Variants in NRXN1 observed in about 807,000 individuals in gnomAD.
NRXN1 encodes neurexin-1.
Under a neutral mutation model 150.9 loss-of-function variants are expected in NRXN1, and 39 were observed. The ratio of observed to expected loss-of-function variants is 0.26; its 90% CI spans 0.20 to 0.34. NRXN1 has a LOEUF of 0.34. Among genes scored for constraint, NRXN1 ranks in the 10% least tolerant of loss-of-function variants. NRXN1 has a pLI of 1.00. For missense variants in NRXN1, 1,815 were observed against 1,949.9 expected (o/e 0.93, Z 1.30); for synonymous variants, 924 against 757.0 (o/e 1.22, Z -3.62).
chr2:50,855,994 C>G (rs1387081891), intron 5 of NRXN1, among the ~76,000 whole-genome samples: 1 of 149,876 alleles, frequency 6.7e-6, no homozygotes, highest in African/African-American at 2.4e-5. Flanking sequence ...AAGACAACAT[C>G]ATATGCAATG....
At chr2:50,619,947 C>A in intron 8 of NRXN1, 75 bp downstream of exon 8, 1 of 1,354,990 alleles carries the variant, frequency 7.4e-7, no homozygotes, top group South Asian at 1.9e-5. Flanking sequence ...GGGTCTTCAG[C>A]AAAGGTGCTT....
chr2:50,492,067 A>G (rs368804515), intron 15 of NRXN1, among the ~76,000 whole-genome samples: 36 of 152,288 alleles, frequency 2.4e-4, no homozygotes, highest in African/African-American at 7.9e-4. Flanking sequence ...AATTTGCCAA[A>G]TACAGGAACA....
intron 8 of NRXN1, among the ~76,000 whole-genome samples, chr2:50,597,155 C>G (rs754309754): frequency 2.0e-5 from 3 of 152,086 alleles, no homozygotes; most frequent in Non-Finnish European, 4.4e-5. Flanking sequence ...GGACATGCTT[C>G]TTAATGAACA....
Position 49,920,018 on chromosome 2 carries a change from A to T in NRXN1, c.*1926T>A, listed in dbSNP as rs1182245641. 1 of 152,152 alleles carries T rather than the reference A, an allele frequency of 6.6e-6. No homozygotes were observed. The highest frequency in any genetic ancestry group is 2.4e-5 in the African/African-American group (1 of 41,462). The allele number at this position is 152,152 out of a possible 1,614,324, so 9.4% of individuals were successfully genotyped here. A position where few individuals can be genotyped will look rare whatever the true frequency, so the allele number is the denominator to read the frequency against. On this transcript the variant is annotated 3_prime_UTR_variant, in exon 23 of 23. Transcript: ENST00000401669. ...CGTTCTTTTAGAAGGTATTCAAGTA[A>T]TGCAACCAATTTTTCCTGAAACATC...
intron 17 of NRXN1, among the ~76,000 whole-genome samples, chr2:50,393,851 G>A (rs1444612908): frequency 1.3e-5 from 2 of 152,030 alleles, no homozygotes; most frequent in Non-Finnish European, 2.9e-5. Context: ...ATCACAGGCA[G>A]CAAATAAACC....
intron 15 of NRXN1, among the ~76,000 whole-genome samples, chr2:50,474,682 GCA>G (rs1491124938): frequency 9.6e-4 from 4 of 4,184 alleles, no homozygotes; most frequent in African/African-American, 2.0e-3. Context: ...CACAGAAATA[GCA>G]AAAAAAAAAA....
At chr2:50,275,851 G>A (rs914219239) in intron 17 of NRXN1, among the ~76,000 whole-genome samples, 1 of 152,010 alleles carries the variant, frequency 6.6e-6, no homozygotes, top group Non-Finnish European at 1.5e-5. Flanking sequence ...AGTAAACATA[G>A]CAGTGAATTG....
At chr2:50,567,595 T>G (rs909842073) in intron 8 of NRXN1, among the ~76,000 whole-genome samples, 7 of 152,312 alleles carry the variant, frequency 4.6e-5, no homozygotes, top group Admixed American at 2.0e-4. Flanking sequence ...TTTTTCCTTT[T>G]GCCTCAAGCT....
intron 12 of NRXN1, among the ~76,000 whole-genome samples, chr2:50,522,380 G>A (rs1052573256): frequency 6.6e-5 from 10 of 152,168 alleles, no homozygotes; most frequent in African/African-American, 2.4e-4. Context: ...CAACACTCAA[G>A]AATGTTGCAT....
At chr2:50,478,581 T>C (rs550956888) in intron 15 of NRXN1, among the ~76,000 whole-genome samples, 5 of 152,302 alleles carry the variant, frequency 3.3e-5, no homozygotes, top group African/African-American at 1.2e-4. Flanking sequence ...CTTCTATACA[T>C]CTTAGTCTCC....
chr2:50,900,269 A>C (rs1682715923), intron 5 of NRXN1, among the ~76,000 whole-genome samples: 1 of 152,156 alleles, frequency 6.6e-6, no homozygotes, highest in Admixed American at 6.5e-5. Flanking sequence ...ATAGATCCCA[A>C]TCCTTTAAAT....
At chr2:50,696,162 G>C (rs183018708) in intron 5 of NRXN1, 1 of 144,678 alleles carries the variant, frequency 6.9e-6, no homozygotes, top group Non-Finnish European at 1.5e-5. Flanking sequence ...AATTTTAAAA[G>C]ACAGTACATA....
intron 17 of NRXN1, among the ~76,000 whole-genome samples, chr2:50,373,742 T>C (rs571647847): frequency 6.7e-6 from 1 of 149,042 alleles, no homozygotes; most frequent in African/African-American, 2.5e-5. Flanking sequence ...TAGTCACATA[T>C]TCTGTATTGT....
At chr2:50,551,608 G>A (rs2105338899) in intron 9 of NRXN1, among the ~76,000 whole-genome samples, 1 of 152,228 alleles carries the variant, frequency 6.6e-6, no homozygotes, top group South Asian at 2.1e-4. Flanking sequence ...TAAAGAAGGA[G>A]AGTAGATAGG....
chr2:50,728,436 T>C (rs1031269804), intron 5 of NRXN1, among the ~76,000 whole-genome samples: 2 of 152,200 alleles, frequency 1.3e-5, no homozygotes, highest in Non-Finnish European at 2.9e-5. Context: ...TCCCTACAGA[T>C]GCAGAAAACC....
chr2:50,426,374 T>C lies in NRXN1; in HGVS notation c.3364+39068A>G, dbSNP rs993219287. Among the ~76,000 whole-genome samples, 6 of 152,312 alleles carry C rather than the reference T, an allele frequency of 3.9e-5. No homozygotes were observed. In the East Asian group the frequency reaches 7.7e-4, roughly 20 times the overall value. On this transcript the variant is annotated intron_variant, in intron 17 of 22. Transcript: ENST00000401669. ...AAAACAATTCTTATCCTAGTATACC[T>C]CCTCAGAGGAGGACAATCTTTTTAA...
chr2:49,940,680 A>G (rs1281894634), intron 22 of NRXN1, among the ~76,000 whole-genome samples: 4 of 152,184 alleles, frequency 2.6e-5, no homozygotes, highest in Admixed American at 2.6e-4. Context: ...AATAAAACCA[A>G]TTTCTGCCCA....
chr2:50,389,226 C>G (rs1444923269), intron 17 of NRXN1, among the ~76,000 whole-genome samples: 1 of 149,808 alleles, frequency 6.7e-6, no homozygotes, highest in African/African-American at 2.5e-5. Flanking sequence ...CAACATCAGA[C>G]CAAAATGGTG....
intron 17 of NRXN1, among the ~76,000 whole-genome samples, chr2:50,427,087 G>C (rs549173418): frequency 5.3e-5 from 8 of 152,112 alleles, no homozygotes; most frequent in Non-Finnish European, 1.2e-4. Flanking sequence ...CAAACTAAAA[G>C]GGTGGATTCC....
Sources: allele counts gnomAD v4.1 joint callset (sites outside exome capture counted in the v4.1 genomes callset), GRCh38; gene constraint gnomAD v4.1.1; transcripts MANE v1.5; gene names NCBI Gene and HGNC (gene_info 2026-07-23, HGNC 2026-07-21).